Variants in PDCD11 observed in about 807,000 individuals in gnomAD.
PDCD11 encodes protein RRP5 homolog.
A neutral mutation model predicts 198.9 loss-of-function variants in PDCD11; 97 were observed. The ratio of observed to expected loss-of-function variants is 0.49; its 90% CI spans 0.41 to 0.58. PDCD11 has a LOEUF of 0.58. PDCD11 is among the 20% of genes least tolerant of loss of function. The pLI, the probability that PDCD11 is intolerant of heterozygous loss-of-function variation, is 0.00. For missense variants in PDCD11, 2,102 were observed against 2,312.7 expected (o/e 0.91, Z 1.87); for synonymous variants, 893 against 918.0 (o/e 0.97, Z 0.49).
At chr10:103,417,281 C>T (rs559754828) in intron 13 of PDCD11, among the ~76,000 whole-genome samples, 11 of 152,158 alleles carry the variant, frequency 7.2e-5, no homozygotes, top group South Asian at 4.2e-4. Context: ...AAGTGATTCT[C>T]GTGCTTCAGC....
rs1028419155 is a variant in PDCD11 at position 103,406,735 on chromosome 10, G to C, written c.815G>C (p.Ser272Thr). The C allele has an allele frequency of 6.2e-7, 1 of 1,614,208 alleles. No individual in the cohort carries two copies. Among genetic ancestry groups the C allele is most frequent in the South Asian group, 1.1e-5 (1 of 91,086 alleles). The change falls in exon 7 of 36, where the codon AGC becomes ACC. Residue 272 changes from serine to threonine, a missense_variant. Transcript: ENST00000369797. Reference sequence around the variant, plus strand: ...ACGGCCATTGCTACTGAACAGCAGAGCTGGAACCTTAATAACTTGCTACCA... The same window carrying C: ...ACGGCCATTGCTACTGAACAGCAGACCTGGAACCTTAATAACTTGCTACCA... ...VSTAIATEQQSWNLNNLLPGL... is the reference protein window; with the variant it reads ...VSTAIATEQQTWNLNNLLPGL...
Position 103,406,778 on chromosome 10 carries a change from T to C in PDCD11, c.858T>C (p.Ala286=). Reference sequence around the variant, plus strand: ...TGCTACCAGGACTGGTGGTCAAAGCTCAGGTACAGAAGGTAAGCTGTTATG... The same window carrying C: ...TGCTACCAGGACTGGTGGTCAAAGCCCAGGTACAGAAGGTAAGCTGTTATG... ...NNLLPGLVVK[A]QVQKVTPFGL... The change falls in exon 7 of 36, where the codon GCT becomes GCC. Residue 286 remains alanine, a synonymous_variant. Coordinates refer to ENST00000369797, the MANE Select transcript of PDCD11 (RefSeq NM_014976.2). 2 of 1,613,592 alleles carry C rather than the reference T, an allele frequency of 1.2e-6. No homozygotes were observed. Among genetic ancestry groups the C allele is most frequent in the Non-Finnish European group, 1.7e-6 (2 of 1,179,712 alleles).
chr10:103,442,860 G>C (rs922149104), intron 32 of PDCD11, among the ~76,000 whole-genome samples: 1 of 152,220 alleles, frequency 6.6e-6, no homozygotes, highest in Non-Finnish European at 1.5e-5. Flanking sequence ...AGCTTGAAGA[G>C]AGAATCAGAC....
At chr10:103,420,322 A>C (rs2031352388) in intron 16 of PDCD11, among the ~76,000 whole-genome samples, 1 of 152,114 alleles carries the variant, frequency 6.6e-6, no homozygotes, top group African/African-American at 2.4e-5. Context: ...TTCTCTCAGC[A>C]CACTTAGACA....
intron 7 of PDCD11, 104 bp from the exon 8 acceptor site, chr10:103,409,595 A>G: frequency 1.4e-6 from 1 of 737,728 alleles, no homozygotes; most frequent in Non-Finnish European, 2.4e-6. Flanking sequence ...GGAGAGATAC[A>G]CAGTTAGGGA....
At chr10:103,405,321 T>A in intron 5 of PDCD11, 138 bp downstream of exon 5, 3 of 715,014 alleles carry the variant, frequency 4.2e-6, no homozygotes, top group South Asian at 3.8e-5. Flanking sequence ...GGAAGGTCTC[T>A]TGGGTTCTTT....
chr10:103,435,130 G>A (rs1482479238), intron 25 of PDCD11, among the ~76,000 whole-genome samples, 155 bp downstream of exon 25: 1 of 151,946 alleles, frequency 6.6e-6, no homozygotes, highest in Non-Finnish European at 1.5e-5. Flanking sequence ...ACCACTTTTT[G>A]CCATTATGTA....
Position 103,416,757 on chromosome 10 carries a change from A to G in PDCD11, c.1770+15A>G, listed in dbSNP as rs2031133659. ...ACACTGGCCAGGTAACCCTTCCCCT[A>G]GACAGGTCCCCTTTACCCTTGGTGA... On this transcript the variant is annotated intron_variant, in intron 13 of 35. Transcript: ENST00000369797. The G allele has an allele frequency of 1.2e-6, 2 of 1,610,560 alleles. No homozygotes were observed. The highest frequency in any genetic ancestry group is 2.2e-5 in the South Asian group (2 of 91,000).
chr10:103,408,888 A>C (rs1467379122), intron 7 of PDCD11, among the ~76,000 whole-genome samples: 1 of 152,040 alleles, frequency 6.6e-6, no homozygotes, highest in Non-Finnish European at 1.5e-5. Flanking sequence ...TAGCAGATTT[A>C]ATTTGGGCAA....
At chr10:103,417,644 A>C (rs989787096) in intron 13 of PDCD11, 148 bp from the exon 14 acceptor site, 1 of 761,008 alleles carries the variant, frequency 1.3e-6, no homozygotes, top group African/African-American at 1.8e-5. Context: ...TGTAGCTCTC[A>C]GTGCATTTCT....
chr10:103,418,018 G>A (rs1015565345), intron 14 of PDCD11, 86 bp downstream of exon 14: 42 of 1,448,086 alleles, frequency 2.9e-5, no homozygotes, highest in Non-Finnish European at 3.9e-5. Flanking sequence ...TGGAACCCAC[G>A]AAGCGGAAAG....
chr10:103,406,159 G>T (rs2133681865), intron 6 of PDCD11, 51 bp downstream of exon 6: 4 of 1,593,242 alleles, frequency 2.5e-6, no homozygotes, highest in African/African-American at 2.7e-5. Context: ...GTACATGTGG[G>T]GATTATATTT....
At chr10:103,403,056 T>A in intron 3 of PDCD11, 62 bp from the exon 4 acceptor site, 2 of 1,498,914 alleles carry the variant, frequency 1.3e-6, no homozygotes, top group South Asian at 2.3e-5. Context: ...AAGCCAGACC[T>A]TCCAACCTTC....
intron 31 of PDCD11, 104 bp from the exon 32 acceptor site, chr10:103,442,109 T>C (rs927880245): frequency 6.5e-6 from 10 of 1,542,292 alleles, no homozygotes; most frequent in Admixed American, 1.8e-5. Flanking sequence ...CCAGGGGGTA[T>C]ATATAGAGCC....
intron 32 of PDCD11, 34 bp downstream of exon 32, chr10:103,442,494 C>T (rs763443675): frequency 2.0e-5 from 32 of 1,600,288 alleles, no homozygotes; most frequent in Admixed American, 3.3e-5. Context: ...ACAGTGTCTT[C>T]GCACGTTCTG....
chr10:103,423,718 T>C (rs188425505), intron 19 of PDCD11, 60 bp downstream of exon 19: 1 of 1,121,578 alleles, frequency 8.9e-7, no homozygotes, highest in East Asian at 2.4e-5. Context: ...TCAACCCCAC[T>C]CCAGTTCAGG....
intron 20 of PDCD11, among the ~76,000 whole-genome samples, chr10:103,427,060 G>C (rs10883867): frequency 0.33 from 50,264 of 151,918 alleles, 8,783 homozygotes; most frequent in South Asian, 0.49. Flanking sequence ...AGTGAGCCAT[G>C]ATTGCGCCAC....
chr10:103,431,489 G>A (rs1035802044), intron 21 of PDCD11, among the ~76,000 whole-genome samples: 17 of 152,036 alleles, frequency 1.1e-4, no homozygotes, highest in African/African-American at 4.1e-4. Flanking sequence ...GTTTTTGGGA[G>A]GCTGAGACAT....
chr10:103,418,383 C>A, intron 14 of PDCD11, 57 bp from the exon 15 acceptor site: 1 of 1,407,828 alleles, frequency 7.1e-7, no homozygotes, highest in Non-Finnish European at 9.9e-7. Flanking sequence ...CTAATCCAGA[C>A]CAGGTTGTTC....
Sources: gnomAD v4.1 joint callset for allele counts (sites outside exome capture counted in the v4.1 genomes callset) on GRCh38, gnomAD v4.1.1 for gene constraint, MANE v1.5 for transcripts, NCBI Gene and HGNC (gene_info 2026-07-23, HGNC 2026-07-21) for gene names.